The following KSR2 variants were observed in gnomAD, a reference collection of about 807,000 sequenced individuals.
The protein encoded by KSR2 is kinase suppressor of ras 2.
In KSR2, 25 loss-of-function variants were observed where a neutral mutation model predicts 107.8. That is an observed-to-expected ratio of 0.23 (90% confidence interval 0.17 to 0.32). The LOEUF is 0.32. Ranked by LOEUF, KSR2 falls within the 10% of genes least tolerant of loss-of-function variation. The pLI is 1.00. For synonymous variants in KSR2, 480 were observed against 507.0 expected, an observed-to-expected ratio of 0.95 and a Z score of 0.71; for missense variants, 887 against 1,268.9, an observed-to-expected ratio of 0.70 and a Z score of 4.57.
At position 117,897,889 on chromosome 12, in the gene KSR2, C is replaced by T. The variant is rs1173195124; in HGVS notation, c.181-37458G>A. On this transcript the variant is annotated intron_variant, in intron 1 of 19. Transcript: ENST00000339824. This position sits in a 1 kb window ranked among gnomAD's most constrained non-coding sequence, Gnocchi z 4.5. ...TGGCTTGAGAATATAGCCACCCACGCGAAATGGTTGGCAGTCTATTGTACA... is the reference window on the plus strand; with the variant it reads ...TGGCTTGAGAATATAGCCACCCACGTGAAATGGTTGGCAGTCTATTGTACA... Among the ~76,000 whole-genome samples the T allele has an allele frequency of 2.0e-5, 3 of 152,086 alleles. No homozygotes were observed. Among genetic ancestry groups the T allele is most frequent in the South Asian group, 4.1e-4 (2 of 4,822 alleles).
chr12:117,793,118 A>ATACACC (rs35714783), intron 3 of KSR2, among the ~76,000 whole-genome samples: 1 of 144,670 alleles, frequency 6.9e-6, no homozygotes, highest in African/African-American at 2.6e-5. Context: ...ACGTGCACAC[A>ATACACC]AACATGCACA....
At chr12:117,675,377 G>A (rs1379319025) in intron 4 of KSR2, among the ~76,000 whole-genome samples, 1 of 152,176 alleles carries the variant, frequency 6.6e-6, no homozygotes, top group Non-Finnish European at 1.5e-5. Flanking sequence ...GTCTCCATCT[G>A]CAAATCAGGA....
At chr12:117,779,822 T>C (rs1220350972) in intron 3 of KSR2, among the ~76,000 whole-genome samples, 1 of 152,208 alleles carries the variant, frequency 6.6e-6, no homozygotes, top group Non-Finnish European at 1.5e-5. Context: ...CTCTTTCCTT[T>C]ATAAATTACC....
chr12:117,604,684 T>C (rs1881134540), intron 5 of KSR2, among the ~76,000 whole-genome samples: 1 of 152,154 alleles, frequency 6.6e-6, no homozygotes, highest in Non-Finnish European at 1.5e-5. Context: ...TTAATGAATA[T>C]GTTAATTCAA....
At chr12:117,944,329 T>C (rs1426376387) in intron 1 of KSR2, among the ~76,000 whole-genome samples, 1 of 152,176 alleles carries the variant, frequency 6.6e-6, no homozygotes, top group Non-Finnish European at 1.5e-5. Flanking sequence ...TGAGCCGAGA[T>C]CGTGCCATTG....
intron 5 of KSR2, among the ~76,000 whole-genome samples, chr12:117,630,342 G>A (rs1882744126): frequency 6.6e-6 from 1 of 151,140 alleles, no homozygotes; most frequent in South Asian, 2.1e-4. Context: ...ATGCCAGTAG[G>A]GGAGGAAAGG....
intron 16 of KSR2, among the ~76,000 whole-genome samples, chr12:117,482,260 T>C (rs1320069578): frequency 6.6e-6 from 1 of 152,012 alleles, no homozygotes. Flanking sequence ...GCTGTGTGAA[T>C]GTGGAAGCCT....
chr12:117,633,462 C>T (rs74766046), intron 5 of KSR2, among the ~76,000 whole-genome samples: 1,998 of 152,306 alleles, frequency 0.013, 43 homozygotes, highest in African/African-American at 0.046. Flanking sequence ...AAATCACAAA[C>T]CGTGTGCCTT....
At chr12:117,585,003 A>AG (rs1316028359) in intron 5 of KSR2, among the ~76,000 whole-genome samples, 2 of 152,146 alleles carry the variant, frequency 1.3e-5, no homozygotes, top group African/African-American at 4.8e-5. Context: ...TCTTCCCCCT[A>AG]GGGGATATCT....
In KSR2 at chr12:117,793,799, G is replaced by A. The variant is rs367809042; in HGVS notation, c.473-32275C>T. ...CATGCACACACCAACATGCACACAT[G>A]CAACATGCACACACCAACATGCACA... On this transcript the variant is annotated intron_variant, in intron 3 of 19. Coordinates refer to ENST00000339824, the MANE Select transcript of KSR2 (RefSeq NM_173598.6). 7.3e-3 allele frequency among the ~76,000 whole-genome samples: 693 copies of A among 94,402 alleles called. 9 individuals carry two copies. Among genetic ancestry groups the A allele is most frequent in the South Asian group, 0.044 (121 of 2,770 alleles). 61.9% of individuals were successfully genotyped at this position (94,402 alleles called of 152,430 possible).
chr12:117,933,710 G>A (rs1368980004), intron 1 of KSR2, among the ~76,000 whole-genome samples: 1 of 152,172 alleles, frequency 6.6e-6, no homozygotes, highest in African/African-American at 2.4e-5. Context: ...TTATGGTTAT[G>A]GCACACTACA....
intron 1 of KSR2, among the ~76,000 whole-genome samples, chr12:117,883,274 A>C (rs1894081487): frequency 6.6e-6 from 1 of 152,266 alleles, no homozygotes; most frequent in Admixed American, 6.5e-5. Flanking sequence ...TACAAATTAT[A>C]ATTACTGTTA....
At chr12:117,949,403 G>A (rs1217486552) in intron 1 of KSR2, among the ~76,000 whole-genome samples, 3 of 152,106 alleles carry the variant, frequency 2.0e-5, no homozygotes, top group South Asian at 2.1e-4. Context: ...AACTCTTGAC[G>A]TTCAACAGTA....
rs552105410 is a variant in KSR2 at position 117,919,851 on chromosome 12, G to A, written c.180+48225C>T. ...AGTAGCAGAGACCTGGAATGAACACGTGGCATGAGAAGAAAATAAACTTTT... is the reference window on the plus strand; with the variant it reads ...AGTAGCAGAGACCTGGAATGAACACATGGCATGAGAAGAAAATAAACTTTT... On this transcript the variant is annotated intron_variant, in intron 1 of 19. Coordinates refer to ENST00000339824, the MANE Select transcript of KSR2 (RefSeq NM_173598.6). 1.4e-4 allele frequency among the ~76,000 whole-genome samples: 21 copies of A among 152,344 alleles called. No homozygotes were observed. The South Asian group carries it at 3.9e-3, about 29-fold the overall frequency.
At chr12:117,857,038 C>T (rs150412048) in intron 2 of KSR2, among the ~76,000 whole-genome samples, 1 of 152,098 alleles carries the variant, frequency 6.6e-6, no homozygotes, top group African/African-American at 2.4e-5. Flanking sequence ...AGGTGATGAC[C>T]ACGGATCTGT....
At chr12:117,537,802 C>G (rs1876155346) in intron 10 of KSR2, among the ~76,000 whole-genome samples, 1 of 152,190 alleles carries the variant, frequency 6.6e-6, no homozygotes, top group South Asian at 2.1e-4. Context: ...TCAGGCACCC[C>G]TTCTTGAAGA....
intron 1 of KSR2, among the ~76,000 whole-genome samples, chr12:117,902,990 A>C (rs986729897): frequency 2.6e-5 from 4 of 152,212 alleles, no homozygotes; most frequent in African/African-American, 9.6e-5. Context: ...TCTTTACTTC[A>C]TAGGGCTTAA....
chr12:117,613,943 C>G (rs1881737550), intron 5 of KSR2, among the ~76,000 whole-genome samples: 1 of 152,166 alleles, frequency 6.6e-6, no homozygotes, highest in Non-Finnish European at 1.5e-5. Flanking sequence ...GCTCTGTATT[C>G]TGAGGCAAGC....
At chr12:117,938,370 T>A (rs974299647) in intron 1 of KSR2, among the ~76,000 whole-genome samples, 2 of 151,980 alleles carry the variant, frequency 1.3e-5, no homozygotes, top group Admixed American at 6.6e-5. Flanking sequence ...GCAGACATCA[T>A]AGGCCAGGTG....
Sources: gnomAD v4.1 joint callset for allele counts (sites outside exome capture counted in the v4.1 genomes callset) on GRCh38, gnomAD v4.1.1 for gene constraint, Gnocchi (gnomAD v3.1) non-coding constraint, MANE v1.5 for transcripts, NCBI Gene and HGNC (gene_info 2026-07-23, HGNC 2026-07-21) for gene names.